The following CDHR3 variants were observed in gnomAD, a reference collection of about 807,000 sequenced individuals.
The protein encoded by CDHR3 is cadherin related family member 3.
Under a neutral mutation model 86.6 loss-of-function variants are expected in CDHR3, and 79 were observed. That is an observed-to-expected ratio of 0.91 (90% CI 0.76 to 1.10). The LOEUF (loss-of-function observed/expected upper bound fraction) is 1.10, where lower values mean the gene tolerates loss of function less well. Among genes scored for constraint, CDHR3 ranks in the 50% least tolerant of loss-of-function variants. CDHR3 has a pLI of 0.00. For missense variants in CDHR3, 1,081 were observed against 1,077.6 expected, an observed-to-expected ratio of 1.00 and a Z score of -0.04; for synonymous variants, 421 against 402.4, an observed-to-expected ratio of 1.05 and a Z score of -0.55.
chr7:106,020,679 G>A, intron 13 of CDHR3, 135 bp downstream of exon 13: 1 of 974,110 alleles, frequency 1.0e-6, no homozygotes. Flanking sequence ...TTTTGAGATA[G>A]GGTCTTGCTA....
At chr7:106,005,927 G>T (rs1044949835) in intron 8 of CDHR3, among the ~76,000 whole-genome samples, 1 of 152,142 alleles carries the variant, frequency 6.6e-6, no homozygotes, top group Non-Finnish European at 1.5e-5. Flanking sequence ...GATGGATACC[G>T]TATTAGACTG....
intron 2 of CDHR3, among the ~76,000 whole-genome samples, chr7:105,980,616 TTTTTTAA>T (rs1482477691): frequency 1.1e-5 from 1 of 88,702 alleles, no homozygotes; most frequent in Admixed American, 1.3e-4. Context: ...AATTTTTTTT[TTTTTTAA>T]TTTTTTTTTT....
intron 2 of CDHR3, among the ~76,000 whole-genome samples, chr7:105,976,937 T>C (rs1002772983): frequency 7.2e-5 from 11 of 152,164 alleles, no homozygotes; most frequent in African/African-American, 1.4e-4. Flanking sequence ...TCATGTTCCT[T>C]TGAATTTGCA....
At chr7:105,973,720 A>G (rs768518260) in intron 1 of CDHR3, among the ~76,000 whole-genome samples, 16 of 152,162 alleles carry the variant, frequency 1.1e-4, no homozygotes, top group Admixed American at 6.5e-5. Flanking sequence ...TAATCCCAGT[A>G]TTTTGGGAGG....
chr7:106,022,684 A>G (rs1836760618), intron 14 of CDHR3, among the ~76,000 whole-genome samples: 1 of 152,220 alleles, frequency 6.6e-6, no homozygotes, highest in South Asian at 2.1e-4. Flanking sequence ...CTGGTAGAGA[A>G]GAGTGTGTTG....
At chr7:105,965,153 A>G (rs193804) in intron 1 of CDHR3, among the ~76,000 whole-genome samples, 114,936 of 152,132 alleles carry the variant, frequency 0.76, 44,809 homozygotes, top group East Asian at 0.95. Context: ...TGGAAGGGCT[A>G]CTGTGACACA....
At chr7:106,008,617 A>G (rs1834307606) in intron 8 of CDHR3, among the ~76,000 whole-genome samples, 1 of 152,102 alleles carries the variant, frequency 6.6e-6, no homozygotes, top group African/African-American at 2.4e-5. Context: ...CTACAAGTCC[A>G]TTAGATGGGT....
rs1838730239 is a variant in CDHR3 at position 106,034,256 on chromosome 7, C to A, written c.*1559C>A. ...TGCCTAGCAGAGCCTGAGCAAGCTT[C>A]ACTCGAGCTCTATGCCCTGCTGCCC... On this transcript the variant is annotated 3_prime_UTR_variant, in exon 19 of 19. Coordinates refer to ENST00000317716, the MANE Select transcript of CDHR3 (RefSeq NM_152750.5). Among the ~76,000 whole-genome samples, 1 of 152,212 alleles carries A rather than the reference C, an allele frequency of 6.6e-6. No individual in the cohort carries two copies. Among genetic ancestry groups the A allele is most frequent in the South Asian group, 2.1e-4 (1 of 4,834 alleles).
At chr7:106,015,778 G>A (rs761706088) in intron 10 of CDHR3, 149 bp from the exon 11 acceptor site, 76 of 688,990 alleles carry the variant, frequency 1.1e-4, no homozygotes, top group East Asian at 1.9e-4. Flanking sequence ...GAACACCCTC[G>A]GCATCTAAAA....
At chr7:105,999,583 G>A (rs898858559) in intron 6 of CDHR3, among the ~76,000 whole-genome samples, 2 of 152,102 alleles carry the variant, frequency 1.3e-5, no homozygotes, top group African/African-American at 2.4e-5. Flanking sequence ...CACCACCCCC[G>A]GCCCCCCAGC....
chr7:105,990,777 G>A (rs905369430), intron 4 of CDHR3, among the ~76,000 whole-genome samples: 2 of 152,162 alleles, frequency 1.3e-5, no homozygotes, highest in Admixed American at 6.5e-5. Flanking sequence ...ATCATTGGTC[G>A]GTGACTCCTA....
chr7:106,004,163 A>G (rs1039021497), intron 7 of CDHR3, among the ~76,000 whole-genome samples: 4 of 152,130 alleles, frequency 2.6e-5, no homozygotes, highest in Admixed American at 6.5e-5. Flanking sequence ...TGATCCTCCA[A>G]TGTGTGCCTT....
chr7:105,984,386 G>A, intron 4 of CDHR3, 97 bp downstream of exon 4: 1 of 763,128 alleles, frequency 1.3e-6, no homozygotes, highest in Non-Finnish European at 2.1e-6. Context: ...TTTGGGCAGT[G>A]GCAGTCAGGG....
intron 3 of CDHR3, among the ~76,000 whole-genome samples, chr7:105,983,177 T>G (rs1012247883): frequency 4.6e-5 from 7 of 152,164 alleles, no homozygotes; most frequent in African/African-American, 1.7e-4. Flanking sequence ...GAAACGGAAG[T>G]TGCATGAGAG....
chr7:106,018,112 G>C, intron 12 of CDHR3, 40 bp downstream of exon 12: 5 of 1,545,442 alleles, frequency 3.2e-6, no homozygotes, highest in Non-Finnish European at 4.4e-6. Context: ...TAACCCAACT[G>C]GTTGACTTAG....
At chr7:105,994,939 G>C (rs547482880) in intron 5 of CDHR3, 94 bp downstream of exon 5, 17 of 993,550 alleles carry the variant, frequency 1.7e-5, no homozygotes, top group East Asian at 1.3e-4. Flanking sequence ...AGGGCAGCTG[G>C]GGGGAGCCCC....
rs777915359 is a variant in CDHR3, at chr7:106,024,447, G to A, written c.2143G>A (p.Val715Ile). 2.2e-5 allele frequency: 35 copies of A among 1,614,028 alleles called. No homozygotes were observed. Among genetic ancestry groups the A allele is most frequent in the Non-Finnish European group, 2.9e-5 (34 of 1,179,900 alleles). ...YSPSAWYVPF[V>I]ITLGSILLLG... ...TCCATCTGCATGGTACGTGCCGTTT[G>A]TCATCACTTTGGGCTCCATATTGCT... Residue 715 changes from valine to isoleucine, a missense_variant, in exon 15 of 19, where the codon GTC becomes ATC. Coordinates refer to ENST00000317716, the MANE Select transcript of CDHR3 (RefSeq NM_152750.5).
Position 105,981,047 on chromosome 7 carries a change from A to G in CDHR3, c.329A>G (p.Glu110Gly). 1 of 1,613,012 alleles carries G rather than the reference A, an allele frequency of 6.2e-7. No homozygotes were observed. Among genetic ancestry groups the G allele is most frequent in the Non-Finnish European group, 8.5e-7 (1 of 1,179,502 alleles). ...IFDLQIYVKDEVGVTDLQVLT... is the reference protein window; with the variant it reads ...IFDLQIYVKDGVGVTDLQVLT... ...GATTTGCAGATTTATGTGAAGGATG[A>G]GGTTGGTGTCACAGACCTGCAAGTC... is the stretch of plus-strand genomic sequence containing the variant. Residue 110 changes from glutamate (E) to glycine (G), a missense_variant, in exon 3 of 19, where the codon GAG (glutamate) becomes GGG (glycine). Coordinates refer to ENST00000317716, the MANE Select transcript of CDHR3 (RefSeq NM_152750.5).
chr7:105,987,893 GGTTT>G (rs1016474652), intron 4 of CDHR3, among the ~76,000 whole-genome samples: 26 of 152,268 alleles, frequency 1.7e-4, no homozygotes, highest in African/African-American at 5.8e-4. Flanking sequence ...TGGGAACACT[GGTTT>G]GTTTATTTTT....
Sources: allele counts gnomAD v4.1 joint callset (sites outside exome capture counted in the v4.1 genomes callset), GRCh38; gene constraint gnomAD v4.1.1; transcripts MANE v1.5; gene names NCBI Gene and HGNC (gene_info 2026-07-23, HGNC 2026-07-21).